Variants in NHERF1 observed in about 807,000 individuals in gnomAD.
NHERF1 encodes the protein NHERF family PDZ scaffold protein 1, also known as Na(+)/H(+) exchange regulatory cofactor NHE-RF1.
the NHERF1 span, among the ~76,000 whole-genome samples, chr17:74,749,702 C>T: frequency 2.0e-5 from 3 of 152,084 alleles, no homozygotes; most frequent in Non-Finnish European, 4.4e-5. This position sits in a 1 kb window ranked among gnomAD's most constrained non-coding sequence, Gnocchi z 5.6. Context: ...AAGGGCTCTC[C>T]GCCCCAGAGG....
chr17:74,767,936 T>C, the NHERF1 span: 35 of 675,578 alleles, frequency 5.2e-5, no homozygotes, highest in Non-Finnish European at 9.0e-5. Flanking sequence ...CCCTCCAGCC[T>C]GAGCAGTAGA....
At chr17:74,757,780 G>GC in the NHERF1 span, among the ~76,000 whole-genome samples, 1 of 152,124 alleles carries the variant, frequency 6.6e-6, no homozygotes, top group Non-Finnish European at 1.5e-5. Flanking sequence ...GTTCCTTCCT[G>GC]CCCCCGCCGT....
the NHERF1 span, among the ~76,000 whole-genome samples, chr17:74,765,937 G>A: frequency 8.5e-5 from 13 of 152,178 alleles, no homozygotes; most frequent in Admixed American, 5.9e-4. Flanking sequence ...CCTGGGAAGC[G>A]TTTGGAAAAT....
chr17:74,764,261 C>G, the NHERF1 span, among the ~76,000 whole-genome samples: 3 of 152,164 alleles, frequency 2.0e-5, no homozygotes, highest in African/African-American at 7.2e-5. The surrounding 1 kb of genome is among the most constrained non-coding windows in gnomAD (Gnocchi z 4.9). Context: ...GTGGGGCCTC[C>G]TGGAGACTCA....
At chr17:74,757,423 A>G in the NHERF1 span, among the ~76,000 whole-genome samples, 1 of 152,032 alleles carries the variant, frequency 6.6e-6, no homozygotes, top group African/African-American at 2.4e-5. Context: ...AGGGGGTCCC[A>G]TAGAGTAAAA....
the NHERF1 span, among the ~76,000 whole-genome samples, chr17:74,751,548 G>T: frequency 6.6e-6 from 1 of 152,244 alleles, no homozygotes; most frequent in Non-Finnish European, 1.5e-5. This position sits in a 1 kb window ranked among gnomAD's most constrained non-coding sequence, Gnocchi z 4.3. Context: ...ACCACTCAGG[G>T]CAGAGGCTGA....
chr17:74,749,232 A>G, the NHERF1 span: 2 of 1,529,016 alleles, frequency 1.3e-6, no homozygotes, highest in Non-Finnish European at 1.7e-6. This position sits in a 1 kb window ranked among gnomAD's most constrained non-coding sequence, Gnocchi z 5.6. Flanking sequence ...GCCGAGGTGC[A>G]GGGGGCTGGC....
chr17:74,752,120 G>A, the NHERF1 span, among the ~76,000 whole-genome samples: 6 of 152,308 alleles, frequency 3.9e-5, no homozygotes, highest in East Asian at 3.9e-4. Flanking sequence ...GTGCCTGATC[G>A]ATGGTCACTG....
chr17:74,748,830 AC>A, the NHERF1 span: 1 of 1,581,122 alleles, frequency 6.3e-7, no homozygotes, highest in Non-Finnish European at 8.5e-7. This position sits in a 1 kb window ranked among gnomAD's most constrained non-coding sequence, Gnocchi z 4.3. Flanking sequence ...CGCGCCGCTG[AC>A]CCGTCGCAGG....
At chr17:74,766,971 C>G in the NHERF1 span, 1 of 1,614,006 alleles carries the variant, frequency 6.2e-7, no homozygotes, top group South Asian at 1.1e-5. Flanking sequence ...TGGGGAGATA[C>G]AGAAGGTAAG....
At chr17:74,762,968 T>C in the NHERF1 span, 1 of 180,552 alleles carries the variant, frequency 5.5e-6, no homozygotes, top group African/African-American at 2.4e-5. The surrounding 1 kb of genome is among the most constrained non-coding windows in gnomAD (Gnocchi z 4.2). Flanking sequence ...CTTAGAACCT[T>C]AGAGCTAGAG....
the NHERF1 span, among the ~76,000 whole-genome samples, chr17:74,751,682 G>A: frequency 6.6e-6 from 1 of 152,348 alleles, no homozygotes; most frequent in South Asian, 2.1e-4. The surrounding 1 kb of genome is among the most constrained non-coding windows in gnomAD (Gnocchi z 4.3). Flanking sequence ...CCCGTGGGGA[G>A]AGAGGAGCAG....
the NHERF1 span, among the ~76,000 whole-genome samples, chr17:74,767,619 C>G: frequency 1.3e-5 from 2 of 152,224 alleles, no homozygotes; most frequent in Non-Finnish European, 2.9e-5. Context: ...AGCCCTCAAC[C>G]TTCTTTCACC....
the NHERF1 span, among the ~76,000 whole-genome samples, chr17:74,753,981 T>C: frequency 6.6e-6 from 1 of 151,986 alleles, no homozygotes; most frequent in Non-Finnish European, 1.5e-5. Context: ...CTGGCCAACA[T>C]GGTAAAAACC....
the NHERF1 span, chr17:74,762,219 C>T: frequency 3.8e-6 from 6 of 1,587,922 alleles, no homozygotes; most frequent in Non-Finnish European, 4.3e-6. This position sits in a 1 kb window ranked among gnomAD's most constrained non-coding sequence, Gnocchi z 4.2. Flanking sequence ...CCACCCCCTG[C>T]AGATCAGCAG....
At chr17:74,755,392 A>G in the NHERF1 span, among the ~76,000 whole-genome samples, 6 of 152,108 alleles carry the variant, frequency 3.9e-5, no homozygotes, top group African/African-American at 1.4e-4. Context: ...CTGCACAGAG[A>G]GCCCCCCTCA....
chr17:74,748,947 A>G, the NHERF1 span: 1 of 1,605,456 alleles, frequency 6.2e-7, no homozygotes, highest in Admixed American at 1.7e-5. The surrounding 1 kb of genome is among the most constrained non-coding windows in gnomAD (Gnocchi z 4.3). Context: ...GAGAAGGGCA[A>G]GTTGGGCCAG....
chr17:74,760,098 T>C, the NHERF1 span, among the ~76,000 whole-genome samples: 1 of 152,120 alleles, frequency 6.6e-6, no homozygotes, highest in Non-Finnish European at 1.5e-5. This position sits in a 1 kb window ranked among gnomAD's most constrained non-coding sequence, Gnocchi z 4.5. Flanking sequence ...TGGTCAGACT[T>C]GTTTCTGCTC....
chr17:74,764,846 T>C, the NHERF1 span, among the ~76,000 whole-genome samples: 1 of 152,132 alleles, frequency 6.6e-6, no homozygotes, highest in African/African-American at 2.4e-5. This position sits in a 1 kb window ranked among gnomAD's most constrained non-coding sequence, Gnocchi z 4.9. Context: ...CCCTGACCAC[T>C]GTGAGCTGAT....
Sources: allele counts gnomAD v4.1 joint callset (sites outside exome capture counted in the v4.1 genomes callset), GRCh38; gene constraint gnomAD v4.1.1; non-coding constraint Gnocchi (gnomAD v3.1); transcripts MANE v1.5; gene names NCBI Gene and HGNC (gene_info 2026-07-23, HGNC 2026-07-21).